Variants in ANKMY1 observed in about 807,000 individuals in gnomAD.
ANKMY1 encodes ankyrin repeat and MYND domain-containing protein 1.
In ANKMY1, 98 loss-of-function variants were observed where a neutral mutation model predicts 102.0. The ratio of observed to expected loss-of-function variants is 0.96; its 90% CI spans 0.82 to 1.14. The LOEUF (loss-of-function observed/expected upper bound fraction) is 1.14. ANKMY1 is among the 50% of genes most tolerant of loss of function. The pLI is 0.00. For synonymous variants in ANKMY1, 582 were observed against 559.9 expected, an observed-to-expected ratio of 1.04 and a Z score of -0.56; for missense variants, 1,330 against 1,347.6, an observed-to-expected ratio of 0.99 and a Z score of 0.20.
chr2:240,497,888 A>T (rs913791005), intron 15 of ANKMY1, among the ~76,000 whole-genome samples: 25 of 152,284 alleles, frequency 1.6e-4, no homozygotes, highest in African/African-American at 5.5e-4. Flanking sequence ...TTTAGGACCT[A>T]ATCTCTGATG....
At position 240,520,459 on chromosome 2, in the gene ANKMY1, A is replaced by G. The variant is rs139842468; in HGVS notation, c.1907T>C (p.Met636Thr). ...GADPNLCCVP[M>T]QVLFLAVKAG... is the part of the protein sequence containing the mutation. The stretch of plus-strand genomic sequence containing the variant: ...CTTCACAGCAAGGAACAGGACCTGC[A>G]TGGGCACGCAGCACAGGTTGGGGTC... The change falls in exon 9 of 18, where the codon ATG becomes ACG. Residue 636 changes from methionine (M) to threonine (T), a missense_variant. Met to Thr is a moderately conservative substitution (Grantham distance 81). Coordinates refer to ENST00000401804, the MANE Select transcript of ANKMY1 (RefSeq NM_001282771.3). This position sits in a 1 kb window ranked among gnomAD's most constrained non-coding sequence, Gnocchi z 4.8. 172 of 1,613,488 alleles carry G rather than the reference A, an allele frequency of 1.1e-4. No homozygotes were observed. The African/African-American group carries it at 2.1e-3, about 19-fold the overall frequency.
chr2:240,512,749 C>T, intron 10 of ANKMY1, 53 bp downstream of exon 10: 1 of 1,561,930 alleles, frequency 6.4e-7, no homozygotes, highest in Non-Finnish European at 8.7e-7. Flanking sequence ...TGAATCCATC[C>T]AGGCACACCT....
At chr2:240,471,991 G>A in the ANKMY1 span, among the ~76,000 whole-genome samples, 2 of 152,000 alleles carry the variant, frequency 1.3e-5, no homozygotes, top group African/African-American at 2.4e-5. Flanking sequence ...TGCAGATCCC[G>A]AAATAGCCCT....
At position 240,529,304 on chromosome 2, in the gene ANKMY1, G is replaced by A. The variant is rs151321234; in HGVS notation, c.686C>T (p.Thr229Met). The A allele has an allele frequency of 1.1e-3, 1,727 of 1,614,140 alleles. 1 individual carries two copies. Among genetic ancestry groups the A allele is most frequent in the Non-Finnish European group, 1.3e-3 (1,533 of 1,180,028 alleles). The change falls in exon 5 of 18, where the codon ACG becomes ATG. Residue 229 changes from threonine to methionine, a missense_variant. Coordinates refer to ENST00000401804, the MANE Select transcript of ANKMY1 (RefSeq NM_001282771.3). The surrounding 1 kb of genome is among the most constrained non-coding windows in gnomAD (Gnocchi z 4.2). ...ARISLSEEEK[T>M]EWGLQEGQDP... is the part of the protein sequence containing the mutation. ...CTGTCCCTCCTGCAGTCCCCACTCC[G>A]TTTTCTCCTCTTCTGAGAGGCTGAT...
downstream of ANKMY1, among the ~76,000 whole-genome samples, chr2:240,476,821 C>T (rs1275223093): frequency 6.6e-6 from 1 of 152,238 alleles, no homozygotes; most frequent in Non-Finnish European, 1.5e-5. Flanking sequence ...CCCTTGCATA[C>T]ATAAGCCCAG....
chr2:240,492,779 C>CT (rs1160201408), intron 15 of ANKMY1, among the ~76,000 whole-genome samples: 2 of 152,120 alleles, frequency 1.3e-5, no homozygotes, highest in Non-Finnish European at 2.9e-5. Context: ...CAACCTCCGC[C>CT]TCCCGGGTTC....
Position 240,500,127 on chromosome 2 carries a change from C to A in ANKMY1, c.2641-4G>T. The A allele has an allele frequency of 1.3e-6, 2 of 1,592,086 alleles. No individual in the cohort carries two copies. The highest frequency in any genetic ancestry group is 1.7e-5 in the Admixed American group (1 of 57,378). On this transcript the variant is annotated splice_region_variant and splice_polypyrimidine_tract_variant and intron_variant, in intron 14 of 17. Coordinates refer to ENST00000401804, the MANE Select transcript of ANKMY1 (RefSeq NM_001282771.3). ...GGCAGCGGGCAATCCTCCGGTCCTG[C>A]GGCACAGCACCAGGGTCACCACAGG...
At chr2:240,537,465 A>G (rs914721684) in intron 4 of ANKMY1, among the ~76,000 whole-genome samples, 1 of 152,172 alleles carries the variant, frequency 6.6e-6, no homozygotes, top group African/African-American at 2.4e-5. Context: ...TGGAGCGTCT[A>G]TTCAGGGCAA....
At position 240,511,926 on chromosome 2, in the gene ANKMY1, C is replaced by G; in HGVS notation, c.2221G>C (p.Ala741Pro). ...GTCCTGCCCCCCTCCTCCGGGAGGG[C>G]TGTGTCCGTGCTGTAGTAGGCTTGG... ...PPQAYYSTDT[A>P]LPEEGGRTAL... Residue 741 changes from alanine (A) to proline (P), a missense_variant, in exon 11 of 18, where the codon GCC (alanine) becomes CCC (proline). Physicochemically the swap from Ala to Pro is conservative, Grantham distance 27. Transcript: ENST00000401804. 6.3e-7 allele frequency: 1 copy of G among 1,578,498 alleles called. No individual in the cohort carries two copies. Among genetic ancestry groups the G allele is most frequent in the Non-Finnish European group, 8.6e-7 (1 of 1,169,100 alleles).
chr2:240,534,744 CAGTG>C (rs1453456794), intron 4 of ANKMY1, among the ~76,000 whole-genome samples: 4 of 152,174 alleles, frequency 2.6e-5, no homozygotes, highest in Non-Finnish European at 5.9e-5. Flanking sequence ...TCCACAATCA[CAGTG>C]AGAGATTCTA....
Position 240,524,118 on chromosome 2 carries a change from A to G in ANKMY1, c.1599T>C (p.His533=), listed in dbSNP as rs1436683513. The G allele has an allele frequency of 1.2e-6, 2 of 1,614,028 alleles. No individual in the cohort carries two copies. Among genetic ancestry groups the G allele is most frequent in the Non-Finnish European group, 8.5e-7 (1 of 1,180,024 alleles). The change falls in exon 8 of 18, where the codon CAT becomes CAC. Residue 533 remains histidine, a synonymous_variant. Coordinates refer to ENST00000401804, the MANE Select transcript of ANKMY1 (RefSeq NM_001282771.3). The part of the protein sequence containing the change: ...DSPLVKGSLG[H]VESGLEDVLG... The stretch of plus-strand genomic sequence containing the variant: ...ACACGTCCTCAAGCCCGCTTTCCAC[A>G]TGGCCAAGGCTGCCCTTCACCAACG...
intron 3 of ANKMY1, chr2:240,553,938 G>C (rs1434075234): frequency 6.6e-6 from 1 of 151,956 alleles, no homozygotes; most frequent in African/African-American, 2.4e-5. Flanking sequence ...AGGGCTTCCA[G>C]CCAGGAGACC....
Position 240,520,077 on chromosome 2 carries a change from T to G in ANKMY1, c.2004+285A>C. ...TAAGTCTCCCCTTTCCAAGGGGCCT[T>G]CAGGATGCGCTTCCCCTTAGTTTGC... On this transcript the variant is annotated intron_variant, in intron 9 of 17. Coordinates refer to ENST00000401804, the MANE Select transcript of ANKMY1 (RefSeq NM_001282771.3). The surrounding 1 kb of genome is among the most constrained non-coding windows in gnomAD (Gnocchi z 4.8). 1 of 621,866 alleles carries G rather than the reference T, an allele frequency of 1.6e-6. No homozygotes were observed. The highest frequency in any genetic ancestry group is 1.5e-5 in the South Asian group (1 of 65,902). The allele number at this position is 621,866 out of a possible 1,614,324, so 38.5% of individuals were successfully genotyped here. A position where few individuals can be genotyped will look rare whatever the true frequency, so the allele number is the denominator to read the frequency against.
chr2:240,494,073 T>G (rs1046525726), intron 15 of ANKMY1, among the ~76,000 whole-genome samples: 2 of 151,904 alleles, frequency 1.3e-5, no homozygotes, highest in African/African-American at 4.8e-5. Flanking sequence ...GGAGGTTAGG[T>G]CCAACCTCAG....
intron 15 of ANKMY1, among the ~76,000 whole-genome samples, chr2:240,486,615 T>C (rs1326836610): frequency 6.6e-6 from 1 of 152,242 alleles, no homozygotes; most frequent in Non-Finnish European, 1.5e-5. Context: ...GTTAACTTGC[T>C]GGATATAAGA....
intron 15 of ANKMY1, among the ~76,000 whole-genome samples, chr2:240,487,250 G>A (rs112739359): frequency 7.9e-5 from 12 of 152,224 alleles, no homozygotes; most frequent in African/African-American, 2.9e-4. Flanking sequence ...TTTGTGCCCG[G>A]CTTATTTCAC....
In ANKMY1 at chr2:240,506,076, CT is replaced by C. The variant is rs1178399382; in HGVS notation, c.2526+1483del. On this transcript the variant is annotated intron_variant, in intron 13 of 17. Transcript: ENST00000401804. This position sits in a 1 kb window ranked among gnomAD's most constrained non-coding sequence, Gnocchi z 4.9. ...CCCGGACAAGATGCTGGGGAGCCCC[CT>C]AACCCTGGACGAGGTGCTGGGGAGC... Among the ~76,000 whole-genome samples the C allele has an allele frequency of 3.3e-5, 5 of 151,988 alleles. No individual in the cohort carries two copies. The highest frequency in any genetic ancestry group is 2.9e-5 in the Non-Finnish European group (2 of 67,970).
rs150769721 is a variant in ANKMY1, at chr2:240,511,262, A to C, written c.2286+599T>G. On this transcript the variant is annotated intron_variant, in intron 11 of 17. Transcript: ENST00000401804. ...ACCTTGCTGAAGGCCCAGGATCATT[A>C]ATTTCATTTGTAAGTGGGTAAACTG... is the stretch of plus-strand genomic sequence containing the variant. Among the ~76,000 whole-genome samples the C allele has an allele frequency of 3.5e-4, 53 of 152,262 alleles. 1 individual carries two copies. The East Asian group carries it at 9.1e-3, about 26-fold the overall frequency.
intron 15 of ANKMY1, among the ~76,000 whole-genome samples, chr2:240,486,281 G>T (rs931230954): frequency 6.6e-6 from 1 of 151,742 alleles, no homozygotes; most frequent in Non-Finnish European, 1.5e-5. Flanking sequence ...TATGTTACAG[G>T]CATACACACA....
Sources: allele counts gnomAD v4.1 joint callset (sites outside exome capture counted in the v4.1 genomes callset), GRCh38; gene constraint gnomAD v4.1.1; non-coding constraint Gnocchi (gnomAD v3.1); transcripts MANE v1.5; gene names NCBI Gene and HGNC (gene_info 2026-07-23, HGNC 2026-07-21).